Variants in COP1 observed in about 807,000 individuals in gnomAD.
The protein encoded by COP1 is COP1 E3 ubiquitin ligase.
Under a neutral mutation model 101.3 loss-of-function variants are expected in COP1, and 24 were observed. The observed-to-expected ratio is 0.24, with a 90% CI of 0.17 to 0.33. The LOEUF is 0.33. Ranked by LOEUF, COP1 falls within the 10% of genes least tolerant of loss-of-function variation. The pLI is 1.00. For missense variants in COP1, 663 were observed against 906.2 expected, an observed-to-expected ratio of 0.73 and a Z score of 3.45; for synonymous variants, 347 against 341.9, an observed-to-expected ratio of 1.01 and a Z score of -0.17.
rs149732907 is a variant in COP1 at position 176,166,570 on chromosome 1, C to T, written c.566-2679G>A. 6.2e-3 allele frequency among the ~76,000 whole-genome samples: 945 copies of T among 152,312 alleles called. 14 individuals are homozygous for T. The highest frequency in any genetic ancestry group is 0.021 in the African/African-American group (892 of 41,564). Reference sequence around the variant, plus strand: ...ACATTTAAATTCTACATTTACCAAACGAAGTTTTTTACTACTGTATCAGAT... The same window carrying T: ...ACATTTAAATTCTACATTTACCAAATGAAGTTTTTTACTACTGTATCAGAT... On this transcript the variant is annotated intron_variant, in intron 3 of 19. Coordinates refer to ENST00000367669, the MANE Select transcript of COP1 (RefSeq NM_022457.7).
intron 2 of COP1, among the ~76,000 whole-genome samples, chr1:176,184,103 AT>A (rs1698136898): frequency 6.6e-6 from 1 of 152,120 alleles, no homozygotes; most frequent in Non-Finnish European, 1.5e-5. Flanking sequence ...CCAGAAAAAA[AT>A]ATATAAAATA....
intron 5 of COP1, among the ~76,000 whole-genome samples, chr1:176,153,770 C>G (rs1195557974): frequency 2.0e-5 from 3 of 152,104 alleles, no homozygotes; most frequent in Non-Finnish European, 4.4e-5. Context: ...CCTTCAATAC[C>G]TAGTTTATTG....
At chr1:176,028,696 C>CATATATATATATATATATATATATATAT (rs369887649) in intron 14 of COP1, among the ~76,000 whole-genome samples, 11 of 47,906 alleles carry the variant, frequency 2.3e-4, no homozygotes, top group East Asian at 1.3e-3. Flanking sequence ...ATATTTGTTT[C>CATATATATATATATATATATATATATAT]ATATATATAT....
intron 6 of COP1, among the ~76,000 whole-genome samples, chr1:176,147,847 C>A (rs1691800419): frequency 6.6e-6 from 1 of 152,166 alleles, no homozygotes; most frequent in Non-Finnish European, 1.5e-5. Flanking sequence ...TGCAGATTGC[C>A]AGGCTCCAAC....
At chr1:176,085,980 A>G in intron 9 of COP1, 90 bp from the exon 10 acceptor site, 1 of 612,870 alleles carries the variant, frequency 1.6e-6, no homozygotes, top group African/African-American at 1.8e-5. Flanking sequence ...TTACCCTCAG[A>G]AGTTCATCAC....
intron 18 of COP1, among the ~76,000 whole-genome samples, chr1:175,954,577 G>C (rs1650376661): frequency 6.6e-6 from 1 of 151,978 alleles, no homozygotes; most frequent in Non-Finnish European, 1.5e-5. Flanking sequence ...ATATTCTATA[G>C]ATATTAAAAG....
intron 15 of COP1, among the ~76,000 whole-genome samples, chr1:176,014,998 G>A (rs1368819218): frequency 1.3e-5 from 2 of 152,118 alleles, no homozygotes; most frequent in Non-Finnish European, 1.5e-5. Context: ...ATAACAATGA[G>A]ACAGAGAGGA....
chr1:176,171,073 C>T lies in COP1; in HGVS notation c.565+4837G>A, dbSNP rs1473841872. 4.6e-5 allele frequency among the ~76,000 whole-genome samples: 6 copies of T among 129,342 alleles called. No individual in the cohort carries two copies. The East Asian group carries it at 1.1e-3, about 24-fold the overall frequency. 84.9% of individuals were successfully genotyped at this position (129,342 alleles called of 152,430 possible). A position where few individuals can be genotyped will look rare whatever the true frequency, so the allele number is the denominator to read the frequency against. ...CCAGCAGGTGGAGCTTGCAGGGAGC[C>T]GAGATCACACCACTGCACTCCAGCC... On this transcript the variant is annotated intron_variant, in intron 3 of 19. Coordinates refer to ENST00000367669, the MANE Select transcript of COP1 (RefSeq NM_022457.7).
At chr1:176,058,071 C>A (rs1455998685) in intron 11 of COP1, among the ~76,000 whole-genome samples, 1 of 130,062 alleles carries the variant, frequency 7.7e-6, no homozygotes, top group Admixed American at 7.6e-5. Flanking sequence ...GCCGCCCCGG[C>A]CGGGAGGGAG....
intron 9 of COP1, among the ~76,000 whole-genome samples, chr1:176,115,434 C>T (rs1686021908): frequency 1.4e-5 from 2 of 146,028 alleles, no homozygotes; most frequent in African/African-American, 5.1e-5. Flanking sequence ...TGGGCAGGAG[C>T]GGGACTCTGT....
At chr1:176,135,453 T>C (rs144854530) in intron 7 of COP1, among the ~76,000 whole-genome samples, 89 of 152,210 alleles carry the variant, frequency 5.8e-4, no homozygotes, top group African/African-American at 2.0e-3. Flanking sequence ...TGATAATCTA[T>C]TGATAAATGT....
At chr1:176,140,100 C>A (rs1051652676) in intron 6 of COP1, among the ~76,000 whole-genome samples, 1 of 152,086 alleles carries the variant, frequency 6.6e-6, no homozygotes, top group African/African-American at 2.4e-5. Flanking sequence ...TCCAATGTCA[C>A]CTGAAATCTC....
In COP1 at chr1:176,112,207, T is replaced by G. The variant is rs200821265; in HGVS notation, c.1026+4417A>C. 2.0e-5 allele frequency among the ~76,000 whole-genome samples: 3 copies of G among 150,704 alleles called. No homozygotes were observed. The East Asian group carries it at 5.8e-4, about 29-fold the overall frequency. On this transcript the variant is annotated intron_variant, in intron 9 of 19. Coordinates refer to ENST00000367669, the MANE Select transcript of COP1 (RefSeq NM_022457.7). ...TCCTTCACCACATAAAAGTAAGTGC[T>G]ACTCTAAAATATTTCCAAAAAAAAA...
At chr1:175,983,072 T>C (rs10913117) in intron 18 of COP1, among the ~76,000 whole-genome samples, 60,610 of 152,034 alleles carry the variant, frequency 0.4, 12,299 homozygotes, top group Middle Eastern at 0.45. Flanking sequence ...ATGACCGATA[T>C]GCTCATTAGT....
At chr1:175,997,759 G>A (rs1284160303) in intron 15 of COP1, among the ~76,000 whole-genome samples, 1 of 152,158 alleles carries the variant, frequency 6.6e-6, no homozygotes, top group Non-Finnish European at 1.5e-5. Flanking sequence ...ACAGGTGCTG[G>A]AGAGGATGTG....
intron 14 of COP1, among the ~76,000 whole-genome samples, chr1:176,042,115 A>C (rs1414421874): frequency 6.6e-6 from 1 of 151,652 alleles, no homozygotes; most frequent in Non-Finnish European, 1.5e-5. Flanking sequence ...ACGTCTCAAA[A>C]AAAAAATTAG....
chr1:176,183,290 G>A (rs1325993617), intron 2 of COP1, among the ~76,000 whole-genome samples: 2 of 152,256 alleles, frequency 1.3e-5, no homozygotes, highest in South Asian at 2.1e-4. Context: ...TTACGGGCCT[G>A]ATTTCAATAT....
At chr1:176,187,067 T>G (rs1275204434) in intron 1 of COP1, among the ~76,000 whole-genome samples, 1 of 152,148 alleles carries the variant, frequency 6.6e-6, no homozygotes, top group East Asian at 1.9e-4. Flanking sequence ...TACTATCAAA[T>G]CAGTTAAAGC....
At chr1:175,990,669 G>T (rs997063702) in intron 15 of COP1, among the ~76,000 whole-genome samples, 12 of 152,048 alleles carry the variant, frequency 7.9e-5, no homozygotes, top group Admixed American at 4.6e-4. Flanking sequence ...TTGTTTTGAG[G>T]TGTGTTGATA....
Sources: allele counts gnomAD v4.1 joint callset (sites outside exome capture counted in the v4.1 genomes callset), GRCh38; gene constraint gnomAD v4.1.1; transcripts MANE v1.5; gene names NCBI Gene and HGNC (gene_info 2026-07-23, HGNC 2026-07-21).